The following BCR variants were observed in gnomAD, a reference collection of about 807,000 sequenced individuals.
BCR encodes breakpoint cluster region protein.
Under a neutral mutation model 138.6 loss-of-function variants are expected in BCR, and 58 were observed. The ratio of observed to expected loss-of-function variants is 0.42; its 90% CI spans 0.34 to 0.52. The LOEUF (loss-of-function observed/expected upper bound fraction) is 0.52. BCR is among the 20% of genes least tolerant of loss of function. BCR has a pLI of 0.06. For missense variants in BCR, 1,599 were observed against 1,727.2 expected, an observed-to-expected ratio of 0.93 and a Z score of 1.32; for synonymous variants, 786 against 730.1, an observed-to-expected ratio of 1.08 and a Z score of -1.23.
intron 1 of BCR, among the ~76,000 whole-genome samples, chr22:23,242,237 C>A (rs1045944817): frequency 2.6e-5 from 4 of 152,110 alleles, no homozygotes; most frequent in African/African-American, 7.2e-5. Flanking sequence ...GCAGTAAATT[C>A]TTGAGCAGTC....
chr22:23,306,689 CG>C (rs2146323981), intron 16 of BCR: 1 of 152,360 alleles, frequency 6.6e-6, no homozygotes, highest in African/African-American at 2.4e-5. Context: ...AGCCAGACTG[CG>C]GGGTGGGGTT....
In BCR at chr22:23,252,781, A is replaced by G. The variant is rs546675551; in HGVS notation, c.1280-1018A>G. ...AACCCCCCTGTATGGGGGAGAACCA[A>G]CTGTTTTCTCTGTACACAAGCTCAA... On this transcript the variant is annotated intron_variant, in intron 1 of 22. Coordinates refer to ENST00000305877, the MANE Select transcript of BCR (RefSeq NM_004327.4). 4.1e-4 allele frequency among the ~76,000 whole-genome samples: 63 copies of G among 152,190 alleles called. 3 individuals are homozygous for G. In the South Asian group the frequency reaches 0.012, roughly 30 times the overall value.
At chr22:23,308,983 A>G (rs1283593385) in intron 16 of BCR, among the ~76,000 whole-genome samples, 2 of 152,136 alleles carry the variant, frequency 1.3e-5, no homozygotes, top group Non-Finnish European at 1.5e-5. Flanking sequence ...TCCCGCCACA[A>G]GCTGTTCATG....
intron 15 of BCR, among the ~76,000 whole-genome samples, chr22:23,294,805 C>T (rs1010451236): frequency 2.6e-5 from 4 of 152,160 alleles, no homozygotes; most frequent in Admixed American, 6.5e-5. Context: ...GAAAGGCAGT[C>T]GGAGCTTCTG....
chr22:23,288,321 C>A lies in BCR; in HGVS notation c.2602+149C>A. 3 of 825,842 alleles carry A rather than the reference C, an allele frequency of 3.6e-6. No homozygotes were observed. In the South Asian group the frequency reaches 4.8e-5, roughly 13 times the overall value. The allele number at this position is 825,842 out of a possible 1,614,324, so 51.2% of individuals were successfully genotyped here. On this transcript the variant is annotated intron_variant, in intron 12 of 22. Transcript: ENST00000305877. ...AGGGCTAATTTAGAAAAGAAGTTGG[C>A]GACAGCCATCCCGATAGGCCCCCAG...
intron 16 of BCR, among the ~76,000 whole-genome samples, chr22:23,308,728 G>A (rs371727317): frequency 2.6e-5 from 4 of 152,212 alleles, no homozygotes; most frequent in South Asian, 2.1e-4. Context: ...GAGGCTTCAC[G>A]GATGGGGGAC....
At chr22:23,206,388 C>A (rs1686518112) in intron 1 of BCR, among the ~76,000 whole-genome samples, 2 of 152,082 alleles carry the variant, frequency 1.3e-5, no homozygotes, top group Non-Finnish European at 2.9e-5. Context: ...TCCTGGCTTA[C>A]ACGGTGAAAC....
At chr22:23,249,603 T>TG (rs1056495140) in intron 1 of BCR, among the ~76,000 whole-genome samples, 1 of 150,262 alleles carries the variant, frequency 6.7e-6, no homozygotes, top group Non-Finnish European at 1.5e-5. Flanking sequence ...AAATCACGGG[T>TG]GGGGGGTGGT....
chr22:23,279,134 G>T (rs1308597540), intron 8 of BCR, among the ~76,000 whole-genome samples: 1 of 152,230 alleles, frequency 6.6e-6, no homozygotes, highest in Non-Finnish European at 1.5e-5. Flanking sequence ...TTGGCACCCA[G>T]AAAGAGCTCA....
chr22:23,181,745 A>C lies in BCR; in HGVS notation c.785A>C (p.Asp262Ala), dbSNP rs748927775. 1.2e-6 allele frequency: 2 copies of C among 1,604,436 alleles called. No individual in the cohort carries two copies. Among genetic ancestry groups the C allele is most frequent in the South Asian group, 2.2e-5 (2 of 91,078 alleles). ...CGCTTCCTGAAGGACAACCTGATCG[A>C]CGCCAATGGCGGTAGCAGGCCCCCT... ...NPRFLKDNLI[D>A]ANGGSRPPWP... Residue 262 changes from aspartate to alanine, a missense_variant, in exon 1 of 23, where the codon GAC becomes GCC. By Grantham distance (126) the Asp-to-Ala change is moderately radical (BLOSUM62 -2). Coordinates refer to ENST00000305877, the MANE Select transcript of BCR (RefSeq NM_004327.4).
intron 14 of BCR, chr22:23,290,772 A>AC: frequency 3.4e-6 from 1 of 294,778 alleles, no homozygotes; most frequent in Non-Finnish European, 6.7e-6. Context: ...GTGCACCTTC[A>AC]CCCCACAGCA....
chr22:23,205,620 A>G (rs2072603873), intron 1 of BCR, among the ~76,000 whole-genome samples: 1 of 150,852 alleles, frequency 6.6e-6, no homozygotes, highest in African/African-American at 2.4e-5. Context: ...CTCAGGCAGC[A>G]GAGCCAAGAT....
chr22:23,275,908 C>T (rs1164018211), intron 8 of BCR, among the ~76,000 whole-genome samples: 2 of 152,222 alleles, frequency 1.3e-5, no homozygotes, highest in African/African-American at 2.4e-5. Flanking sequence ...TGCCATTTAG[C>T]ATTCCTAGAG....
intron 5 of BCR, 120 bp from the exon 6 acceptor site, chr22:23,271,412 A>G: frequency 1.0e-6 from 1 of 998,654 alleles, no homozygotes; most frequent in Non-Finnish European, 1.5e-6. Context: ...TTATCAGCTC[A>G]GAATGCACCT....
chr22:23,183,626 C>T (rs1173882469), intron 1 of BCR, among the ~76,000 whole-genome samples: 1 of 152,208 alleles, frequency 6.6e-6, no homozygotes, highest in African/African-American at 2.4e-5. Flanking sequence ...TGGAGGATTG[C>T]CTTGTGGTTA....
chr22:23,236,221 G>C (rs1278504804), intron 1 of BCR, among the ~76,000 whole-genome samples: 1 of 152,170 alleles, frequency 6.6e-6, no homozygotes, highest in African/African-American at 2.4e-5. Context: ...GCTTAAGACA[G>C]GTTCCTCAAA....
intron 7 of BCR, among the ~76,000 whole-genome samples, 155 bp from the exon 8 acceptor site, chr22:23,273,479 T>C (rs1442221271): frequency 6.6e-6 from 1 of 152,206 alleles, no homozygotes; most frequent in Non-Finnish European, 1.5e-5. Flanking sequence ...ACACAAGCTC[T>C]GTCCACAAAG....
At chr22:23,294,240 G>A (rs935505090) in intron 15 of BCR, among the ~76,000 whole-genome samples, 2 of 152,158 alleles carry the variant, frequency 1.3e-5, no homozygotes, top group Admixed American at 6.5e-5. Context: ...ACCACCCAGA[G>A]TTCATAGTTG....
chr22:23,287,539 G>A (rs1251720121), intron 11 of BCR, among the ~76,000 whole-genome samples: 1 of 152,242 alleles, frequency 6.6e-6, no homozygotes, highest in East Asian at 1.9e-4. Flanking sequence ...TAGCAGGTTT[G>A]TGCAGATCTG....
Sources: allele counts gnomAD v4.1 joint callset (sites outside exome capture counted in the v4.1 genomes callset), GRCh38; gene constraint gnomAD v4.1.1; transcripts MANE v1.5; gene names NCBI Gene and HGNC (gene_info 2026-07-23, HGNC 2026-07-21).